Variants in PCDHGB5 observed in about 807,000 individuals in gnomAD.
The protein encoded by PCDHGB5 is protocadherin gamma-B5.
PCDHGB5 carries 48 observed loss-of-function variants against 62.9 expected under a neutral mutation model. The ratio of observed to expected loss-of-function variants is 0.76; its 90% CI spans 0.61 to 0.97. PCDHGB5 has a LOEUF of 0.97. PCDHGB5 is among the 50% of genes least tolerant of loss of function. PCDHGB5 has a pLI of 0.00. For synonymous variants in PCDHGB5, 474 were observed against 511.2 expected, an observed-to-expected ratio of 0.93 and a Z score of 0.98; for missense variants, 1,118 against 1,198.6, an observed-to-expected ratio of 0.93 and a Z score of 0.99.
At chr5:141,416,998 CAAAT>C (rs2096073182) in intron 1 of PCDHGB5, 1 of 150,816 alleles carries the variant, frequency 6.6e-6, no homozygotes, top group South Asian at 2.1e-4. Flanking sequence ...GCATTCATCT[CAAAT>C]AATTCTATTA....
Position 141,416,159 on chromosome 5 carries a change from T to C in PCDHGB5, c.2397+15635T>C, listed in dbSNP as rs116406525. ...CTATACTTTGTGGTGATAGTTGCAG[T>C]TGAATATACTAAGTTTTTCATTAAT... On this transcript the variant is annotated intron_variant, in intron 1 of 3. Transcript: ENST00000617380. 1,471 of 153,024 alleles carry C rather than the reference T, an allele frequency of 9.6e-3. 10 individuals carry two copies. Among genetic ancestry groups the C allele is most frequent in the Non-Finnish European group, 0.015 (1,026 of 68,518 alleles). 9.5% of individuals were successfully genotyped at this position (153,024 alleles called of 1,614,324 possible).
Position 141,485,087 on chromosome 5 carries a change from T to G in PCDHGB5, c.2398-9720T>G. The G allele has an allele frequency of 2.0e-6, 2 of 1,000,176 alleles. No homozygotes were observed. The highest frequency in any genetic ancestry group is 1.5e-6 in the Non-Finnish European group (1 of 651,808). 62.0% of individuals were successfully genotyped at this position (1,000,176 alleles called of 1,614,324 possible). A position where few individuals can be genotyped will look rare whatever the true frequency, so the allele number is the denominator to read the frequency against. The stretch of plus-strand genomic sequence containing the variant: ...CAGAGCTGGCGCGGGGAAAGGGAGA[T>G]AGGTGTCTCCAGCTGCTGTGGCTGT... On this transcript the variant is annotated intron_variant, in intron 1 of 3. Transcript: ENST00000617380. This position sits in a 1 kb window ranked among gnomAD's most constrained non-coding sequence, Gnocchi z 5.7.
chr5:141,450,900 C>T (rs907024071), intron 1 of PCDHGB5, among the ~76,000 whole-genome samples: 9 of 151,048 alleles, frequency 6.0e-5, no homozygotes, highest in Non-Finnish European at 1.2e-4. Flanking sequence ...TATCGGCTCA[C>T]TGCAACCGCT....
chr5:141,413,272 C>T lies in PCDHGB5; in HGVS notation c.2397+12748C>T, dbSNP rs753942667. Reference sequence around the variant, plus strand: ...CGGGATTCCATGGGAGGCTGGAGCCCGGCAGATCTCCTACTCAATTCCTGA... The same window carrying T: ...CGGGATTCCATGGGAGGCTGGAGCCTGGCAGATCTCCTACTCAATTCCTGA... On this transcript the variant is annotated intron_variant, in intron 1 of 3. Coordinates refer to ENST00000617380, the MANE Select transcript of PCDHGB5 (RefSeq NM_018925.3). 8.1e-6 allele frequency: 13 copies of T among 1,613,944 alleles called. No individual in the cohort carries two copies. In the South Asian group the frequency reaches 1.4e-4, roughly 18 times the overall value.
At chr5:141,443,853 A>G (rs929370798) in intron 1 of PCDHGB5, among the ~76,000 whole-genome samples, 3 of 152,230 alleles carry the variant, frequency 2.0e-5, no homozygotes, top group African/African-American at 7.2e-5. Flanking sequence ...GGAAAGTCTG[A>G]AAACTGAAAA....
In PCDHGB5 at chr5:141,489,372, G is replaced by A. The variant is rs1335356378; in HGVS notation, c.2398-5435G>A. 2 of 1,613,814 alleles carry A rather than the reference G, an allele frequency of 1.2e-6. No individual in the cohort carries two copies. Among genetic ancestry groups the A allele is most frequent in the Non-Finnish European group, 1.7e-6 (2 of 1,179,700 alleles). On this transcript the variant is annotated intron_variant, in intron 1 of 3. Transcript: ENST00000617380. The surrounding 1 kb of genome is among the most constrained non-coding windows in gnomAD (Gnocchi z 4.5). ...TGGAGGAGTCTGAGCCGGGGACGCT[G>A]GTGGGGAATGTTGCTCAGGATCTGG...
Position 141,398,413 on chromosome 5 carries a change from T to G in PCDHGB5, c.286T>G (p.Cys96Gly), listed in dbSNP as rs774602022. 1.3e-6 allele frequency: 2 copies of G among 1,490,692 alleles called. No homozygotes were observed. Among genetic ancestry groups the G allele is most frequent in the South Asian group, 1.1e-5 (1 of 87,442 alleles). The allele number at this position is 1,490,692 out of a possible 1,614,324, so 92.3% of individuals were successfully genotyped here. ...VSSRLDREEI[C>G]GKKPACALEF... is the part of the protein sequence containing the mutation. ...CAGCAGGCTAGACAGGGAGGAGATA[T>G]GCGGGAAGAAGCCAGCTTGTGCTCT... The change falls in exon 1 of 4, where the codon TGC becomes GGC. Residue 96 changes from cysteine (C) to glycine (G), a missense_variant. Cys to Gly is a radical substitution (Grantham distance 159, BLOSUM62 -3). Coordinates refer to ENST00000617380, the MANE Select transcript of PCDHGB5 (RefSeq NM_018925.3).
chr5:141,496,160 G>C (rs1428576442), intron 2 of PCDHGB5, among the ~76,000 whole-genome samples: 2 of 151,600 alleles, frequency 1.3e-5, no homozygotes, highest in Admixed American at 6.6e-5. Flanking sequence ...CTCTCCACCA[G>C]ACACCCTCCC....
chr5:141,405,185 G>C (rs777099869), intron 1 of PCDHGB5: 4 of 1,613,066 alleles, frequency 2.5e-6, no homozygotes, highest in Non-Finnish European at 3.4e-6. Context: ...GGGTGTAGAT[G>C]GGGTTCGAGC....
intron 1 of PCDHGB5, chr5:141,423,860 G>A: frequency 7.8e-7 from 1 of 1,283,074 alleles, no homozygotes; most frequent in Non-Finnish European, 9.9e-7. Context: ...ACGTTTTTGT[G>A]AAAGTCATTT....
chr5:141,413,756 A>G, intron 1 of PCDHGB5: 1 of 1,613,042 alleles, frequency 6.2e-7, no homozygotes, highest in South Asian at 1.1e-5. Context: ...AATGGCGTCA[A>G]GTACCCGGAG....
chr5:141,418,273 A>G (rs1440274831), intron 1 of PCDHGB5: 2 of 1,614,082 alleles, frequency 1.2e-6, no homozygotes, highest in Non-Finnish European at 8.5e-7. Flanking sequence ...AAGATGAAAT[A>G]AACTTAGAAA....
rs376721940 is a variant in PCDHGB5, at chr5:141,410,147, G to A, written c.2397+9623G>A. 18 of 1,612,952 alleles carry A rather than the reference G, an allele frequency of 1.1e-5. No homozygotes were observed. The East Asian group carries it at 3.6e-4, about 32-fold the overall frequency. ...GCGCCTGCTGGTCGCTGTGCGTGAC[G>A]GTGGACAGCCGCCACTCTCTGCCAC... On this transcript the variant is annotated intron_variant, in intron 1 of 3. Transcript: ENST00000617380.
chr5:141,427,138 A>G (rs1397576025), intron 1 of PCDHGB5: 1 of 456,954 alleles, frequency 2.2e-6, no homozygotes, highest in Non-Finnish European at 4.4e-6. Context: ...CTACGAGATG[A>G]TATTGGAAAT....
intron 3 of PCDHGB5, among the ~76,000 whole-genome samples, chr5:141,505,875 T>C (rs991981462): frequency 2.6e-4 from 40 of 152,140 alleles, no homozygotes; most frequent in African/African-American, 9.2e-4. Flanking sequence ...AAAGGGTTGT[T>C]GTAGAGATTA....
intron 1 of PCDHGB5, chr5:141,418,232 G>A (rs1034684988): frequency 6.2e-7 from 1 of 1,614,066 alleles, no homozygotes; most frequent in Non-Finnish European, 8.5e-7. Flanking sequence ...GGTGATTGAG[G>A]ATGTTAATGA....
intron 1 of PCDHGB5, chr5:141,413,078 C>A: frequency 7.7e-7 from 1 of 1,301,148 alleles, no homozygotes; most frequent in Non-Finnish European, 1.1e-6. Flanking sequence ...AGTGCCCAGG[C>A]TACAGAGACA....
At chr5:141,492,449 T>C (rs1045043841) in intron 1 of PCDHGB5, among the ~76,000 whole-genome samples, 50 of 152,314 alleles carry the variant, frequency 3.3e-4, no homozygotes, top group African/African-American at 1.2e-3. Flanking sequence ...TAGCTGATTG[T>C]GCGCGCCTGA....
Position 141,417,741 on chromosome 5 carries a change from A to G in PCDHGB5, c.2397+17217A>G, listed in dbSNP as rs1035037382. ...CTGCGCAGACCTTGCCCAGCACACCAGATTGCCAGCTCCGAGACCCGGGAC... is the reference window on the plus strand; with the variant it reads ...CTGCGCAGACCTTGCCCAGCACACCGGATTGCCAGCTCCGAGACCCGGGAC... On this transcript the variant is annotated intron_variant, in intron 1 of 3. Coordinates refer to ENST00000617380, the MANE Select transcript of PCDHGB5 (RefSeq NM_018925.3). The G allele has an allele frequency of 1.7e-5, 24 of 1,413,756 alleles. No individual in the cohort carries two copies. The African/African-American group carries it at 1.7e-4, about 10-fold the overall frequency. The allele number at this position is 1,413,756 out of a possible 1,614,324, so 87.6% of individuals were successfully genotyped here.
Sources: allele counts gnomAD v4.1 joint callset (sites outside exome capture counted in the v4.1 genomes callset), GRCh38; gene constraint gnomAD v4.1.1; non-coding constraint Gnocchi (gnomAD v3.1); transcripts MANE v1.5; gene names NCBI Gene and HGNC (gene_info 2026-07-23, HGNC 2026-07-21).